The following KPNA3 variants were observed in gnomAD, a reference collection of about 807,000 sequenced individuals.
The protein encoded by KPNA3 is karyopherin subunit alpha 3, also known as importin subunit alpha-4.
In KPNA3, 13 loss-of-function variants were observed where a neutral mutation model predicts 73.8. The ratio of observed to expected loss-of-function variants is 0.18; its 90% CI spans 0.11 to 0.28. The LOEUF is 0.28. Among genes scored for constraint, KPNA3 ranks in the 10% least tolerant of loss-of-function variants. KPNA3 has a pLI of 1.00. For missense variants in KPNA3, 360 were observed against 618.1 expected, an observed-to-expected ratio of 0.58 and a Z score of 4.43; for synonymous variants, 186 against 206.9, an observed-to-expected ratio of 0.90 and a Z score of 0.87.
In KPNA3 at chr13:49,719,816, A is replaced by C; in HGVS notation, c.730T>G (p.Leu244Val). Residue 244 changes from leucine to valine, a missense_variant, in exon 10 of 17, where the codon TTG (leucine) becomes GTG (valine). Coordinates refer to ENST00000261667, the MANE Select transcript of KPNA3 (RefSeq NM_002267.4). ...PPPMETVQEI[L>V]PALCVLIYHT... The stretch of plus-strand genomic sequence containing the variant: ...TATATGAGGACACATAAAGCTGGCA[A>C]AATCTGAGGAAAGAAAATAAACAAT... The C allele has an allele frequency of 6.4e-7, 1 of 1,573,384 alleles. No individual in the cohort carries two copies. Among genetic ancestry groups the C allele is most frequent in the Non-Finnish European group, 8.7e-7 (1 of 1,144,550 alleles).
At chr13:49,718,961 A>G (rs1954329903) in intron 10 of KPNA3, among the ~76,000 whole-genome samples, 1 of 65,586 alleles carries the variant, frequency 1.5e-5, no homozygotes, top group South Asian at 8.1e-4. Flanking sequence ...TGTTATGTGT[A>G]TGTAGATAAA....
chr13:49,707,207 A>T (rs1439967925), intron 12 of KPNA3, among the ~76,000 whole-genome samples: 1 of 152,220 alleles, frequency 6.6e-6, no homozygotes, highest in African/African-American at 2.4e-5. Flanking sequence ...TATAACATAA[A>T]TATTCTAAAA....
chr13:49,702,511 G>T (rs1954157356), intron 15 of KPNA3, 31 bp from the exon 16 acceptor site: 2 of 1,187,632 alleles, frequency 1.7e-6, no homozygotes, highest in Non-Finnish European at 2.5e-6. Context: ...AAAATAACTG[G>T]TTAATTGATA....
chr13:49,722,192 A>G (rs1454054815), intron 8 of KPNA3, 68 bp from the exon 9 acceptor site: 2 of 1,075,994 alleles, frequency 1.9e-6, no homozygotes, highest in Admixed American at 2.7e-5. Context: ...AATGTATGCA[A>G]TGGCTCATGT....
intron 14 of KPNA3, 45 bp from the exon 15 acceptor site, chr13:49,705,828 T>A (rs1202275511): frequency 6.9e-7 from 1 of 1,449,382 alleles, no homozygotes; most frequent in Non-Finnish European, 9.2e-7. Flanking sequence ...TATAATTATC[T>A]ATTTCCCAGT....
At chr13:49,738,921 G>A (rs977742492) in intron 2 of KPNA3, among the ~76,000 whole-genome samples, 1 of 152,136 alleles carries the variant, frequency 6.6e-6, no homozygotes, top group African/African-American at 2.4e-5. Flanking sequence ...TGAATCTCAG[G>A]GGAAAGCATT....
intron 1 of KPNA3, among the ~76,000 whole-genome samples, chr13:49,788,741 A>ATT (rs1222157637): frequency 1.9e-4 from 23 of 123,846 alleles, no homozygotes; most frequent in African/African-American, 6.4e-4. Flanking sequence ...TTTTTTTTAA[A>ATT]AAAAAAAAGC....
chr13:49,771,026 C>T (rs1373292492), intron 1 of KPNA3, among the ~76,000 whole-genome samples: 2 of 149,742 alleles, frequency 1.3e-5, no homozygotes, highest in Non-Finnish European at 3.0e-5. Flanking sequence ...AATATGAGTC[C>T]TTCAACTTAG....
intron 1 of KPNA3, among the ~76,000 whole-genome samples, chr13:49,764,647 T>C (rs1954794897): frequency 6.6e-6 from 1 of 152,110 alleles, no homozygotes; most frequent in African/African-American, 2.4e-5. Flanking sequence ...TGAATCTAAT[T>C]ATTCTCTCAT....
chr13:49,753,642 C>G (rs1954685626), intron 1 of KPNA3, among the ~76,000 whole-genome samples: 1 of 152,236 alleles, frequency 6.6e-6, no homozygotes, highest in African/African-American at 2.4e-5. Context: ...AGGAGCCAGG[C>G]TGCACAGCAG....
At chr13:49,721,688 C>T (rs1345264717) in intron 9 of KPNA3, among the ~76,000 whole-genome samples, 2 of 151,968 alleles carry the variant, frequency 1.3e-5, no homozygotes, top group Non-Finnish European at 2.9e-5. Context: ...GGCGTGGTGG[C>T]GGGTGCCTGT....
chr13:49,704,429 AATAAAAAAT>A (rs1954183008), intron 15 of KPNA3, among the ~76,000 whole-genome samples: 6 of 85,618 alleles, frequency 7.0e-5, no homozygotes, highest in Non-Finnish European at 1.5e-4. Context: ...AAAATAAATA[AATAAAAAAT>A]AAATAAATAA....
At position 49,700,472 on chromosome 13, in the gene KPNA3, A is replaced by G. The variant is rs1159150948; in HGVS notation, c.*1328T>C. On this transcript the variant is annotated 3_prime_UTR_variant, in exon 17 of 17. Transcript: ENST00000261667. Reference sequence around the variant, plus strand: ...TAATAACTGGGTCAGACAATTTACCAAAAGCAATAACTTGACATAGTAATA... The same window carrying G: ...TAATAACTGGGTCAGACAATTTACCGAAAGCAATAACTTGACATAGTAATA... The G allele has an allele frequency of 6.5e-6, 1 of 152,688 alleles. No homozygotes were observed. Among genetic ancestry groups the G allele is most frequent in the Non-Finnish European group, 1.5e-5 (1 of 68,044 alleles). 9.5% of individuals were successfully genotyped at this position (152,688 alleles called of 1,614,324 possible).
chr13:49,700,060 C>A lies in KPNA3; in HGVS notation c.*1740G>T, dbSNP rs930375494. On this transcript the variant is annotated 3_prime_UTR_variant, in exon 17 of 17. Coordinates refer to ENST00000261667, the MANE Select transcript of KPNA3 (RefSeq NM_002267.4). ...TATAAAACCTATAAATAATCAGAGG[C>A]CAAACCACTATATTAAAACAGATTC... 4 of 152,516 alleles carry A rather than the reference C, an allele frequency of 2.6e-5. No individual in the cohort carries two copies. The highest frequency in any genetic ancestry group is 4.4e-5 in the Non-Finnish European group (3 of 68,008). 9.4% of individuals were successfully genotyped at this position (152,516 alleles called of 1,614,324 possible).
At chr13:49,750,850 G>A (rs979778931) in intron 1 of KPNA3, among the ~76,000 whole-genome samples, 1 of 152,060 alleles carries the variant, frequency 6.6e-6, no homozygotes, top group African/African-American at 2.4e-5. Flanking sequence ...AAATTAGCTG[G>A]GCATGGTGGC....
chr13:49,708,163 T>C (rs1954225708), intron 12 of KPNA3, among the ~76,000 whole-genome samples: 1 of 151,962 alleles, frequency 6.6e-6, no homozygotes, highest in Admixed American at 6.5e-5. Flanking sequence ...ACCCGGCTAA[T>C]TTTTTGTAAT....
chr13:49,725,505 TAAAA>T lies in KPNA3; in HGVS notation c.384-8_384-5del, dbSNP rs869144663. The T allele has an allele frequency of 6.3e-7, 1 of 1,580,096 alleles. No individual in the cohort carries two copies. The highest frequency in any genetic ancestry group is 1.1e-5 in the South Asian group (1 of 90,156). ...AGCTTCAAACTGTAATGAAGGACTG[TAAAA>T]AAACAATAACACATCTTTTTAGACA... is the stretch of plus-strand genomic sequence containing the variant. On this transcript the variant is annotated splice_polypyrimidine_tract_variant and splice_region_variant and intron_variant, in intron 6 of 16. Transcript: ENST00000261667.
chr13:49,766,997 A>ATTTT (rs199591606), intron 1 of KPNA3, among the ~76,000 whole-genome samples: 1 of 118,398 alleles, frequency 8.4e-6, no homozygotes, highest in Non-Finnish European at 1.8e-5. Context: ...TCAAGTTAGG[A>ATTTT]TTTTTTTTTT....
At chr13:49,772,534 G>A (rs2137595160) in intron 1 of KPNA3, among the ~76,000 whole-genome samples, 1 of 152,290 alleles carries the variant, frequency 6.6e-6, no homozygotes, top group African/African-American at 2.4e-5. Flanking sequence ...TGGGCACAGT[G>A]GCTCACACCT....
Sources: gnomAD v4.1 joint callset for allele counts (sites outside exome capture counted in the v4.1 genomes callset) on GRCh38, gnomAD v4.1.1 for gene constraint, MANE v1.5 for transcripts, NCBI Gene and HGNC (gene_info 2026-07-23, HGNC 2026-07-21) for gene names.